The following CEP78 variants were observed in gnomAD, a reference collection of about 807,000 sequenced individuals.
CEP78 encodes the protein centrosomal protein 78, also known as centrosomal protein of 78 kDa.
Under a neutral mutation model 81.2 loss-of-function variants are expected in CEP78, and 76 were observed. That is an observed-to-expected ratio of 0.94 (90% CI 0.78 to 1.13). The LOEUF is 1.13. CEP78 is among the 50% of genes most tolerant of loss of function. The pLI is 0.00. For missense variants in CEP78, 918 were observed against 846.8 expected (o/e 1.08, Z -1.04); for synonymous variants, 293 against 301.4 (o/e 0.97, Z 0.29).
intron 12 of CEP78, 21 bp downstream of exon 12, chr9:78,263,005 CT>C: frequency 1.4e-6 from 2 of 1,470,818 alleles, no homozygotes; most frequent in Non-Finnish European, 1.8e-6. Flanking sequence ...GTTTTCTTAC[CT>C]TTTGAGAGTT....
rs1827764775 is a variant in CEP78 at position 78,274,648 on chromosome 9, A to C, written c.*3797A>C. On this transcript the variant is annotated 3_prime_UTR_variant, in exon 17 of 17. Coordinates refer to ENST00000643273, the MANE Select transcript of CEP78 (RefSeq NM_001330691.3). ...ATAAATGATTCCTATGAAGGTAAAA[A>C]ACTTACAAAATTCAAAGATCATACA... 1 of 152,174 alleles carries C rather than the reference A, an allele frequency of 6.6e-6. No individual in the cohort carries two copies. Among genetic ancestry groups the C allele is most frequent in the Non-Finnish European group, 1.5e-5 (1 of 68,028 alleles). The allele number at this position is 152,174 out of a possible 1,614,324, so 9.4% of individuals were successfully genotyped here.
intron 3 of CEP78, among the ~76,000 whole-genome samples, chr9:78,240,930 T>C (rs1183840576): frequency 1.3e-5 from 2 of 151,774 alleles, no homozygotes; most frequent in African/African-American, 4.8e-5. Flanking sequence ...ACCACTGCAC[T>C]CTAGCCTGGG....
rs1173208585 is a variant in CEP78, at chr9:78,262,946, A to G, written c.1420A>G (p.Arg474Gly). Residue 474 changes from arginine to glycine, a missense_variant, in exon 12 of 17, where the codon AGA (arginine) becomes GGA (glycine). By Grantham distance (125) the Arg-to-Gly change is moderately radical (BLOSUM62 -2). Transcript: ENST00000643273. Reference sequence around the variant, plus strand: ...GTGCCTAAAGCAGTTAAAGGAAGAAAGAGTGATAAGGCTTAAGGTTGATAA... The same window carrying G: ...GTGCCTAAAGCAGTTAAAGGAAGAAGGAGTGATAAGGCTTAAGGTTGATAA... ...EECLKQLKEE[R>G]VIRLKVDKRV... is the part of the protein sequence containing the mutation. 2.6e-6 allele frequency: 4 copies of G among 1,547,216 alleles called. No individual in the cohort carries two copies. In the South Asian group the frequency reaches 4.8e-5, roughly 19 times the overall value.
intron 1 of CEP78, among the ~76,000 whole-genome samples, chr9:78,237,742 T>A (rs536502745): frequency 1.3e-5 from 2 of 152,162 alleles, no homozygotes; most frequent in Admixed American, 1.3e-4. Flanking sequence ...CTAGCCTCCA[T>A]ATGGAAGACA....
At chr9:78,249,224 T>TTTGTTGTTG (rs75800701) in intron 8 of CEP78, 83,922 of 151,782 alleles carry the variant, frequency 0.55, 23,409 homozygotes, top group Admixed American at 0.67. Context: ...TTTGTATGAT[T>TTTGTTGTTG]TTGTTGTTAA....
Position 78,252,048 on chromosome 9 carries a change from G to A in CEP78, c.1205+5G>A, listed in dbSNP as rs749174107. On this transcript the variant is annotated splice_donor_5th_base_variant and intron_variant, in intron 9 of 16. Coordinates refer to ENST00000643273, the MANE Select transcript of CEP78 (RefSeq NM_001330691.3). Reference sequence around the variant, plus strand: ...AGAACGTGCAAAAAGACACAGGTAGGGTATTTTTATTTCCTATCTTTTAGG... The same window carrying A: ...AGAACGTGCAAAAAGACACAGGTAGAGTATTTTTATTTCCTATCTTTTAGG... The A allele has an allele frequency of 2.5e-6, 4 of 1,572,278 alleles. No individual in the cohort carries two copies. The East Asian group carries it at 6.7e-5, about 26-fold the overall frequency.
chr9:78,260,372 C>G (rs943401839), intron 11 of CEP78, among the ~76,000 whole-genome samples: 3 of 152,110 alleles, frequency 2.0e-5, no homozygotes, highest in African/African-American at 4.8e-5. Flanking sequence ...TTACATGAAC[C>G]AGTAAGCTGG....
At chr9:78,236,630 C>G in intron 1 of CEP78, 27 bp downstream of exon 1, 2 of 1,516,290 alleles carry the variant, frequency 1.3e-6, no homozygotes, top group Non-Finnish European at 1.8e-6. Context: ...TCCAGGGCCC[C>G]TCAGTCGGTG....
rs759198760 is a variant in CEP78, at chr9:78,251,910, T to C, written c.1072T>C (p.Leu358=). The change falls in exon 9 of 17, where the codon TTG becomes CTG. Residue 358 remains leucine (L), a splice_region_variant and synonymous_variant. Coordinates refer to ENST00000643273, the MANE Select transcript of CEP78 (RefSeq NM_001330691.3). ...TCTTTTTAACACTTCTCAAGTAGGATTGGCTACAAAGAAACCTGTAAGTAG... is the reference window on the plus strand; with the variant it reads ...TCTTTTTAACACTTCTCAAGTAGGACTGGCTACAAAGAAACCTGTAAGTAG... ...HKGKATIRIG[L]ATKKPVSSGR... 6 of 1,605,310 alleles carry C rather than the reference T, an allele frequency of 3.7e-6. No homozygotes were observed. The East Asian group carries it at 8.9e-5, about 24-fold the overall frequency.
At position 78,236,969 on chromosome 9, in the gene CEP78, C is replaced by CTTTTTTTTTTTTTT. The variant is rs71360676; in HGVS notation, c.253+382_253+395dup. Among the ~76,000 whole-genome samples the CTTTTTTTTTTTTTT allele has an allele frequency of 2.0e-3, 125 of 62,112 alleles. 26 individuals are homozygous for CTTTTTTTTTTTTTT. Among genetic ancestry groups the CTTTTTTTTTTTTTT allele is most frequent in the African/African-American group, 4.0e-3 (65 of 16,054 alleles). 40.7% of individuals were successfully genotyped at this position (62,112 alleles called of 152,430 possible). A position where few individuals can be genotyped will look rare whatever the true frequency, so the allele number is the denominator to read the frequency against. On this transcript the variant is annotated intron_variant, in intron 1 of 16. Coordinates refer to ENST00000643273, the MANE Select transcript of CEP78 (RefSeq NM_001330691.3). ...GAAATTAATACATGTCAGCCTTTGT[C>CTTTTTTTTTTTTTT]TTTTTTTTTTTTTTTTTTTTTTTTT...
intron 1 of CEP78, among the ~76,000 whole-genome samples, chr9:78,237,505 A>C (rs1023345864): frequency 6.6e-6 from 1 of 152,154 alleles, no homozygotes; most frequent in African/African-American, 2.4e-5. Flanking sequence ...AGGTAACAGG[A>C]AGGAACAGTT....
intron 5 of CEP78, among the ~76,000 whole-genome samples, chr9:78,245,638 A>G (rs17064248): frequency 0.024 from 3,616 of 152,222 alleles, 124 homozygotes; most frequent in African/African-American, 0.081. Context: ...ATCTTTTTTT[A>G]TGCCTGTACT....
rs1253039012 is a variant in CEP78 at position 78,272,553 on chromosome 9, C to G, written c.*1702C>G. 1 of 151,994 alleles carries G rather than the reference C, an allele frequency of 6.6e-6. No homozygotes were observed. Among genetic ancestry groups the G allele is most frequent in the African/African-American group, 2.4e-5 (1 of 41,382 alleles). 9.4% of individuals were successfully genotyped at this position (151,994 alleles called of 1,614,324 possible). A position where few individuals can be genotyped will look rare whatever the true frequency, so the allele number is the denominator to read the frequency against. ...CAGGACACAGAAAGTGAAAGCTTGT[C>G]CTAGATATTGTCTTATTCATGGGAA... On this transcript the variant is annotated 3_prime_UTR_variant, in exon 17 of 17. Coordinates refer to ENST00000643273, the MANE Select transcript of CEP78 (RefSeq NM_001330691.3).
intron 13 of CEP78, 24 bp downstream of exon 13, chr9:78,264,340 A>G: frequency 6.2e-6 from 10 of 1,607,028 alleles, no homozygotes; most frequent in Non-Finnish European, 8.5e-6. Context: ...TCCCTATGAC[A>G]TTCGTCCCTC....
At chr9:78,266,159 GGA>G (rs1174142381) in intron 15 of CEP78, among the ~76,000 whole-genome samples, 1 of 151,866 alleles carries the variant, frequency 6.6e-6, no homozygotes, top group Non-Finnish European at 1.5e-5. Flanking sequence ...TGTGCATAGA[GGA>G]TAGGAAAGAT....
intron 9 of CEP78, among the ~76,000 whole-genome samples, chr9:78,252,577 C>T (rs1826817259): frequency 6.6e-6 from 1 of 152,136 alleles, no homozygotes; most frequent in Admixed American, 6.5e-5. Flanking sequence ...AAATGTTGTA[C>T]TATAATTTTA....
rs1827857222 is a variant in CEP78 at position 78,279,065 on chromosome 9, T to TAAAAAAAA, written c.*8214_*8215insAAAAAAAA. ...TTGTACATTTTAAACCACTGTGAACTGAAAAAAAAAAAAAAGGCAACCTTG... is the reference window on the plus strand; with the variant it reads ...TTGTACATTTTAAACCACTGTGAACTAAAAAAAAGAAAAAAAAAAAAAAGGCAACCTTG... On this transcript the variant is annotated 3_prime_UTR_variant, in exon 17 of 17. Coordinates refer to ENST00000643273, the MANE Select transcript of CEP78 (RefSeq NM_001330691.3). 1.4e-4 allele frequency: 11 copies of TAAAAAAAA among 80,906 alleles called. No homozygotes were observed. The highest frequency in any genetic ancestry group is 8.5e-4 in the African/African-American group (11 of 12,914). 5.0% of individuals were successfully genotyped at this position (80,906 alleles called of 1,614,324 possible).
chr9:78,265,266 T>G, intron 13 of CEP78, 106 bp from the exon 14 acceptor site: 1 of 933,372 alleles, frequency 1.1e-6, no homozygotes, highest in African/African-American at 1.7e-5. Flanking sequence ...ATAATGGGTT[T>G]TAAGATTTTA....
chr9:78,241,411 CAAA>C (rs755580517), intron 3 of CEP78, among the ~76,000 whole-genome samples: 1 of 151,998 alleles, frequency 6.6e-6, no homozygotes, highest in Non-Finnish European at 1.5e-5. Context: ...TCAGATGTCT[CAAA>C]AAGTATATAG....
Sources: gnomAD v4.1 joint callset for allele counts (sites outside exome capture counted in the v4.1 genomes callset) on GRCh38, gnomAD v4.1.1 for gene constraint, MANE v1.5 for transcripts, NCBI Gene and HGNC (gene_info 2026-07-23, HGNC 2026-07-21) for gene names.